KIF21A: variants seen among roughly 807,000 people sequenced by gnomAD.
The protein encoded by KIF21A is kinesin-like protein KIF21A.
Under a neutral mutation model 202.9 loss-of-function variants are expected in KIF21A, and 114 were observed. That is an observed-to-expected ratio of 0.56 (90% CI 0.48 to 0.66). KIF21A has a LOEUF of 0.66. KIF21A is among the 30% of genes least tolerant of loss of function. The pLI, the probability that KIF21A is intolerant of heterozygous loss-of-function variation, is 0.00. For synonymous variants in KIF21A, 667 were observed against 670.8 expected (o/e 0.99, Z 0.09); for missense variants, 1,677 against 1,994.9 (o/e 0.84, Z 3.04).
chr12:39,320,604 T>G, intron 27 of KIF21A, among the ~76,000 whole-genome samples: 1 of 151,614 alleles, frequency 6.6e-6, no homozygotes, highest in East Asian at 1.9e-4. Context: ...AGAAAATAAT[T>G]TTTGTATATG....
chr12:39,370,298 A>C, intron 1 of KIF21A, 37 bp from the exon 2 acceptor site: 1 of 1,496,600 alleles, frequency 6.7e-7, no homozygotes, highest in Non-Finnish European at 9.2e-7. Context: ...AAATAAAATA[A>C]ATGGCAAAAA....
At chr12:39,435,593 T>G (rs570394014) in intron 1 of KIF21A, among the ~76,000 whole-genome samples, 1 of 152,282 alleles carries the variant, frequency 6.6e-6, no homozygotes, top group South Asian at 2.1e-4. Context: ...AAAGGAGGTC[T>G]TTCTAAACCA....
chr12:39,379,337 A>C (rs1421213772), intron 1 of KIF21A, among the ~76,000 whole-genome samples: 1 of 152,072 alleles, frequency 6.6e-6, no homozygotes, highest in Non-Finnish European at 1.5e-5. Context: ...AAAAAAAAAA[A>C]AAAAAACCTG....
chr12:39,354,532 T>C (rs945936974), intron 10 of KIF21A, among the ~76,000 whole-genome samples: 1 of 152,274 alleles, frequency 6.6e-6, no homozygotes, highest in Admixed American at 6.5e-5. Flanking sequence ...ATTAATTAAT[T>C]AGTGATTATT....
At position 39,369,557 on chromosome 12, in the gene KIF21A, C is replaced by T. The variant is rs186327497; in HGVS notation, c.450+172G>A. Among the ~76,000 whole-genome samples, 94 of 152,270 alleles carry T rather than the reference C, an allele frequency of 6.2e-4. 1 individual carries two copies. Among genetic ancestry groups the T allele is most frequent in the African/African-American group, 2.2e-3 (93 of 41,564 alleles). Reference sequence around the variant, plus strand: ...TTTATAATCTTAAACTCAAACATCACTTCCTACAAGTAAGGAAAAGTTATT... The same window carrying T: ...TTTATAATCTTAAACTCAAACATCATTTCCTACAAGTAAGGAAAAGTTATT... On this transcript the variant is annotated intron_variant, in intron 3 of 37. Transcript: ENST00000361418.
In KIF21A at chr12:39,333,048, A is replaced by T. The variant is rs1288220789; in HGVS notation, c.2547T>A (p.Thr849=). Residue 849 remains threonine (T), a synonymous_variant, in exon 19 of 38, where the codon ACT becomes ACA. Coordinates refer to ENST00000361418, the MANE Select transcript of KIF21A (RefSeq NM_001173464.2). ...GTGCATCAGATGAACTCAGCTTCCGAGTAACTTTCCCAGCCACTTTATCTG... is the reference window on the plus strand; with the variant it reads ...GTGCATCAGATGAACTCAGCTTCCGTGTAACTTTCCCAGCCACTTTATCTG... The part of the protein sequence containing the change: ...PMSDKVAGKV[T]RKLSSSDAPA... The T allele has an allele frequency of 6.2e-7, 1 of 1,614,064 alleles. No homozygotes were observed. Among genetic ancestry groups the T allele is most frequent in the Non-Finnish European group, 8.5e-7 (1 of 1,180,028 alleles).
chr12:39,319,615 C>A (rs976950139), intron 28 of KIF21A, among the ~76,000 whole-genome samples: 1 of 151,744 alleles, frequency 6.6e-6, no homozygotes, highest in African/African-American at 2.4e-5. Flanking sequence ...ACTTAATAAG[C>A]CTTACCTCAA....
At chr12:39,321,066 CTTGA>C (rs1945192148) in intron 27 of KIF21A, among the ~76,000 whole-genome samples, 1 of 149,604 alleles carries the variant, frequency 6.7e-6, no homozygotes, top group Non-Finnish European at 1.5e-5. Context: ...ATTTTGTGTG[CTTGA>C]TTTTTTCTAA....
chr12:39,439,535 A>G (rs1939275141), intron 1 of KIF21A, among the ~76,000 whole-genome samples: 1 of 152,210 alleles, frequency 6.6e-6, no homozygotes, highest in Non-Finnish European at 1.5e-5. Flanking sequence ...TTTACAGCTG[A>G]AAAAGTAGAT....
rs549464594 is a variant in KIF21A at position 39,381,293 on chromosome 12, C to T, written c.45-11032G>A. ...CTGCACTCCAGCCTGGGCAACTGAG[C>T]GAGACTCTGTCTCAAAAAAAAAAAA... On this transcript the variant is annotated intron_variant, in intron 1 of 37. Coordinates refer to ENST00000361418, the MANE Select transcript of KIF21A (RefSeq NM_001173464.2). Among the ~76,000 whole-genome samples the T allele has an allele frequency of 8.4e-3, 1,165 of 138,338 alleles. 19 individuals are homozygous for T. The highest frequency in any genetic ancestry group is 0.029 in the African/African-American group (1,047 of 36,258). 90.8% of individuals were successfully genotyped at this position (138,338 alleles called of 152,430 possible).
chr12:39,429,219 A>G (rs184385281), intron 1 of KIF21A, among the ~76,000 whole-genome samples: 1 of 152,350 alleles, frequency 6.6e-6, no homozygotes, highest in East Asian at 1.9e-4. Context: ...AAAGATAAAC[A>G]GAAAAGGAAT....
chr12:39,442,223 T>G lies in KIF21A; in HGVS notation c.44+704A>C, dbSNP rs1939740703. Reference sequence around the variant, plus strand: ...CAGTATGTTTCACACAGTCACCCATTTCACCCTTCCTCTGGCTAAAGAGTT... The same window carrying G: ...CAGTATGTTTCACACAGTCACCCATGTCACCCTTCCTCTGGCTAAAGAGTT... On this transcript the variant is annotated intron_variant, in intron 1 of 37. Transcript: ENST00000361418. The surrounding 1 kb of genome is among the most constrained non-coding windows in gnomAD (Gnocchi z 5.0). Among the ~76,000 whole-genome samples, 1 of 152,112 alleles carries G rather than the reference T, an allele frequency of 6.6e-6. No homozygotes were observed. Among genetic ancestry groups the G allele is most frequent in the Non-Finnish European group, 1.5e-5 (1 of 68,024 alleles).
chr12:39,350,728 C>T (rs1948302980), intron 11 of KIF21A, among the ~76,000 whole-genome samples: 1 of 151,942 alleles, frequency 6.6e-6, no homozygotes, highest in Non-Finnish European at 1.5e-5. Context: ...GCCTACTAAC[C>T]ATAATGTATA....
chr12:39,375,317 A>G (rs1428793508), intron 1 of KIF21A, among the ~76,000 whole-genome samples: 1 of 152,180 alleles, frequency 6.6e-6, no homozygotes, highest in Non-Finnish European at 1.5e-5. Context: ...GAGTTTATAC[A>G]TTAGTTCTGT....
intron 1 of KIF21A, among the ~76,000 whole-genome samples, chr12:39,420,333 T>G (rs1376556694): frequency 2.6e-5 from 4 of 151,912 alleles, no homozygotes; most frequent in African/African-American, 9.7e-5. Flanking sequence ...TCCCAAGAGG[T>G]CAGACAGAGA....
Position 39,367,887 on chromosome 12 carries a change from G to A in KIF21A, c.596C>T (p.Ser199Leu). ...TAACTATAATATAAATATTACCTCT[G>A]ATTCTGTATTCACAGTACGTGTTGT... ...GVTTRTVNTESEMMQCLKLGA... is the reference protein window; with the variant it reads ...GVTTRTVNTELEMMQCLKLGA... The change falls in exon 4 of 38, where the codon TCA becomes TTA. Residue 199 changes from serine to leucine, a missense_variant. Ser to Leu is a moderately radical substitution (Grantham distance 145, BLOSUM62 -2). Transcript: ENST00000361418. The A allele has an allele frequency of 6.2e-7, 1 of 1,606,868 alleles. No individual in the cohort carries two copies. The highest frequency in any genetic ancestry group is 8.5e-7 in the Non-Finnish European group (1 of 1,174,034).
chr12:39,298,958 A>C (rs1357117628), intron 37 of KIF21A, among the ~76,000 whole-genome samples: 1 of 152,194 alleles, frequency 6.6e-6, no homozygotes, highest in Non-Finnish European at 1.5e-5. Context: ...AGCAGTTAGA[A>C]CAATGCCTCG....
chr12:39,428,754 T>A (rs551887100), intron 1 of KIF21A, among the ~76,000 whole-genome samples: 67 of 152,124 alleles, frequency 4.4e-4, no homozygotes, highest in Middle Eastern at 3.4e-3. Context: ...GGTCAGGAGA[T>A]CGAAACCATC....
intron 1 of KIF21A, among the ~76,000 whole-genome samples, chr12:39,406,848 T>C (rs1231927470): frequency 1.3e-5 from 2 of 152,092 alleles, no homozygotes; most frequent in Non-Finnish European, 2.9e-5. Context: ...CAACCCACTC[T>C]CCAAAATAAC....
Sources: allele counts gnomAD v4.1 joint callset (sites outside exome capture counted in the v4.1 genomes callset), GRCh38; gene constraint gnomAD v4.1.1; non-coding constraint Gnocchi (gnomAD v3.1); transcripts MANE v1.5; gene names NCBI Gene and HGNC (gene_info 2026-07-23, HGNC 2026-07-21).